The following ERC2 variants were observed in gnomAD, a reference collection of about 807,000 sequenced individuals.
ERC2 encodes the protein ERC protein 2.
ERC2 carries 42 observed loss-of-function variants against 114.8 expected under a neutral mutation model. That is an observed-to-expected ratio of 0.37 (90% CI 0.29 to 0.47). ERC2 has a LOEUF of 0.47. Among genes scored for constraint, ERC2 ranks in the 20% least tolerant of loss-of-function variants. ERC2 has a pLI of 0.99. For missense variants in ERC2, 939 were observed against 1,150.7 expected, an observed-to-expected ratio of 0.82 and a Z score of 2.66; for synonymous variants, 454 against 425.5, an observed-to-expected ratio of 1.07 and a Z score of -0.82.
At chr3:55,525,038 A>T (rs928219578) in intron 17 of ERC2, among the ~76,000 whole-genome samples, 2 of 152,208 alleles carry the variant, frequency 1.3e-5, no homozygotes, top group Non-Finnish European at 2.9e-5. Context: ...AGACTCCTCC[A>T]GGAACTACCC....
chr3:55,542,165 C>T (rs761558060), intron 17 of ERC2, among the ~76,000 whole-genome samples: 26 of 152,208 alleles, frequency 1.7e-4, no homozygotes, highest in Non-Finnish European at 3.5e-4. Context: ...GTTCTTTTCC[C>T]TATATCCTAC....
chr3:56,129,091 T>C (rs2080053570), intron 6 of ERC2, among the ~76,000 whole-genome samples: 1 of 152,236 alleles, frequency 6.6e-6, no homozygotes, highest in Admixed American at 6.5e-5. Flanking sequence ...ACACAACTTA[T>C]TACCTCAAGT....
intron 13 of ERC2, among the ~76,000 whole-genome samples, chr3:55,905,446 G>C (rs541994085): frequency 8.3e-4 from 125 of 151,404 alleles, no homozygotes; most frequent in Non-Finnish European, 3.5e-4. Context: ...TGGTGGTCGT[G>C]TGTGTGTGCA....
At chr3:56,184,274 T>C (rs1349754951) in intron 3 of ERC2, among the ~76,000 whole-genome samples, 1 of 152,156 alleles carries the variant, frequency 6.6e-6, no homozygotes, top group African/African-American at 2.4e-5. Context: ...AACAATAAAA[T>C]TTAGTTATGT....
At chr3:56,158,357 G>A (rs1326230431) in intron 4 of ERC2, among the ~76,000 whole-genome samples, 1 of 152,074 alleles carries the variant, frequency 6.6e-6, no homozygotes, top group African/African-American at 2.4e-5. Context: ...CACTTTTAAA[G>A]TCTTTTCAAC....
At chr3:55,835,997 T>A (rs989598978) in intron 14 of ERC2, among the ~76,000 whole-genome samples, 12 of 151,356 alleles carry the variant, frequency 7.9e-5, no homozygotes, top group Non-Finnish European at 1.8e-4. Flanking sequence ...TGAACTCCCA[T>A]TCACAATTGT....
intron 12 of ERC2, among the ~76,000 whole-genome samples, chr3:55,985,509 G>T (rs1283012155): frequency 6.6e-6 from 1 of 152,174 alleles, no homozygotes; most frequent in Non-Finnish European, 1.5e-5. Context: ...ACATCTTTCA[G>T]AACACAGTGA....
chr3:56,238,900 T>C (rs2051139704), intron 3 of ERC2, among the ~76,000 whole-genome samples: 1 of 152,240 alleles, frequency 6.6e-6, no homozygotes, highest in Non-Finnish European at 1.5e-5. Flanking sequence ...TTTCCAGAGT[T>C]ATTTCAAGAA....
At chr3:56,124,042 T>C (rs1215724000) in intron 6 of ERC2, among the ~76,000 whole-genome samples, 1 of 152,188 alleles carries the variant, frequency 6.6e-6, no homozygotes, top group South Asian at 2.1e-4. Flanking sequence ...AGAAAGCCTA[T>C]CAGAATCAGG....
chr3:56,319,213 A>C (rs562597480), intron 2 of ERC2, among the ~76,000 whole-genome samples: 8 of 152,154 alleles, frequency 5.3e-5, no homozygotes, highest in Non-Finnish European at 8.8e-5. Context: ...CATTATTAAC[A>C]ATAGCCAAGG....
chr3:55,953,503 T>A (rs114274588), intron 12 of ERC2, among the ~76,000 whole-genome samples: 2 of 152,190 alleles, frequency 1.3e-5, no homozygotes, highest in African/African-American at 4.8e-5. Context: ...TTTCTAGCAG[T>A]TGAAGCCTTT....
At chr3:55,713,131 TCACACACA>T (rs10656961) in intron 15 of ERC2, among the ~76,000 whole-genome samples, 2 of 139,334 alleles carry the variant, frequency 1.4e-5, no homozygotes, top group African/African-American at 5.4e-5. Context: ...TCTCTCTGTC[TCACACACA>T]CACACACACA....
At chr3:55,975,819 C>G (rs1369864138) in intron 12 of ERC2, among the ~76,000 whole-genome samples, 1 of 152,128 alleles carries the variant, frequency 6.6e-6, no homozygotes, top group Admixed American at 6.5e-5. Flanking sequence ...TCTGAGCATG[C>G]CTTCTATCTT....
chr3:55,711,540 C>T (rs1007085832), intron 15 of ERC2, among the ~76,000 whole-genome samples: 5 of 152,166 alleles, frequency 3.3e-5, no homozygotes, highest in Non-Finnish European at 7.3e-5. Context: ...CCACTCTATG[C>T]GTATACTTTT....
At chr3:55,610,162 G>T (rs1397892698) in intron 17 of ERC2, among the ~76,000 whole-genome samples, 2 of 150,102 alleles carry the variant, frequency 1.3e-5, no homozygotes, top group Non-Finnish European at 1.5e-5. Flanking sequence ...CATCAGGACT[G>T]CTTTGTGCAA....
chr3:56,343,191 C>CACACACA (rs1560629943), intron 2 of ERC2, among the ~76,000 whole-genome samples: 1 of 31,328 alleles, frequency 3.2e-5, no homozygotes, highest in Non-Finnish European at 7.6e-5. Flanking sequence ...CTCTCTCTCT[C>CACACACA]TCACACACAC....
intron 2 of ERC2, among the ~76,000 whole-genome samples, chr3:56,358,668 C>T (rs2058834203): frequency 6.6e-6 from 1 of 152,250 alleles, no homozygotes; most frequent in Non-Finnish European, 1.5e-5. Context: ...AGCCAGATTC[C>T]TCAGTTCAAA....
intron 2 of ERC2, among the ~76,000 whole-genome samples, chr3:56,395,878 G>A (rs144178216): frequency 1.3e-5 from 2 of 152,342 alleles, no homozygotes; most frequent in East Asian, 3.9e-4. Context: ...TGAATGAGAT[G>A]TCCAGGAAAA....
intron 2 of ERC2, among the ~76,000 whole-genome samples, chr3:56,376,179 A>G (rs1459238535): frequency 6.6e-6 from 1 of 152,182 alleles, no homozygotes; most frequent in African/African-American, 2.4e-5. Flanking sequence ...TGAGATAATA[A>G]ATATTGTTGT....
Sources: allele counts gnomAD v4.1 joint callset (sites outside exome capture counted in the v4.1 genomes callset), GRCh38; gene constraint gnomAD v4.1.1; transcripts MANE v1.5; gene names NCBI Gene and HGNC (gene_info 2026-07-23, HGNC 2026-07-21).